Variants in FAR2 observed in about 807,000 individuals in gnomAD.
FAR2 encodes the protein fatty acyl-CoA reductase 2, also known as epididymis secretory protein Li 81.
Under a neutral mutation model 56.0 loss-of-function variants are expected in FAR2, and 19 were observed. The observed-to-expected ratio is 0.34, with a 90% confidence interval of 0.24 to 0.50. FAR2 has a LOEUF of 0.50. Ranked by LOEUF, FAR2 falls within the 20% of genes least tolerant of loss-of-function variation. The probability of loss-of-function intolerance (pLI) is 0.98; values close to 1 mark genes in which losing one functional copy is unlikely to be tolerated. For synonymous variants in FAR2, 219 were observed against 218.8 expected, an observed-to-expected ratio of 1.00 and a Z score of -0.01; for missense variants, 508 against 642.2, an observed-to-expected ratio of 0.79 and a Z score of 2.26.
intron 10 of FAR2, among the ~76,000 whole-genome samples, chr12:29,324,802 A>G (rs989485978): frequency 6.6e-6 from 1 of 152,240 alleles, no homozygotes; most frequent in African/African-American, 2.4e-5. Context: ...AACATGCCAA[A>G]TTGTAAGGAT....
chr12:29,317,749 T>C (rs1262032372), intron 9 of FAR2: 1 of 152,696 alleles, frequency 6.5e-6, no homozygotes, highest in Non-Finnish European at 1.5e-5. Context: ...GGCTGATGCA[T>C]GATGATCCCA....
chr12:29,308,673 TACACACAG>T (rs1329961310), intron 5 of FAR2, among the ~76,000 whole-genome samples: 1 of 120,644 alleles, frequency 8.3e-6, no homozygotes, highest in Admixed American at 9.1e-5. Flanking sequence ...TAAGTCAATA[TACACACAG>T]ACACACAGAC....
At chr12:29,271,510 A>C (rs1948618257) in intron 2 of FAR2, among the ~76,000 whole-genome samples, 1 of 152,234 alleles carries the variant, frequency 6.6e-6, no homozygotes, top group South Asian at 2.1e-4. Flanking sequence ...GCAATAAGAA[A>C]ATTCAGAGTT....
Position 29,318,677 on chromosome 12 carries a change from G to C in FAR2, c.1127+1665G>C, listed in dbSNP as rs913369671. On this transcript the variant is annotated intron_variant, in intron 9 of 11. Transcript: ENST00000536681. ...GACGTACATAGTTTGCTTTGCAGTA[G>C]GGGGGTATGTGTGTATATAAATCAA... Among the ~76,000 whole-genome samples, 13 of 152,286 alleles carry C rather than the reference G, an allele frequency of 8.5e-5. 1 individual carries two copies. The highest frequency in any genetic ancestry group is 3.4e-3 in the Middle Eastern group (1 of 294).
chr12:29,240,057 A>G (rs1348046231), intron 1 of FAR2, among the ~76,000 whole-genome samples: 1 of 152,170 alleles, frequency 6.6e-6, no homozygotes, highest in African/African-American at 2.4e-5. Context: ...CATCGTTCCA[A>G]GAGCTTCCAA....
chr12:29,189,572 AT>A (rs1160452206), intron 1 of FAR2, among the ~76,000 whole-genome samples: 40 of 152,186 alleles, frequency 2.6e-4, no homozygotes, highest in Non-Finnish European at 4.9e-4. Context: ...GCAAGGTGTC[AT>A]TGACTCTAGG....
chr12:29,159,513 CTG>C (rs1282222992), intron 1 of FAR2, among the ~76,000 whole-genome samples: 3 of 97,342 alleles, frequency 3.1e-5, no homozygotes, highest in Non-Finnish European at 4.1e-5. Flanking sequence ...GTGTGAGACT[CTG>C]TCTCGGAAAA....
intron 4 of FAR2, among the ~76,000 whole-genome samples, chr12:29,300,136 T>C (rs951927859): frequency 6.6e-6 from 1 of 152,142 alleles, no homozygotes; most frequent in African/African-American, 2.4e-5. Context: ...ACTGTTTTTG[T>C]TTGTTTGTTT....
chr12:29,243,550 T>C (rs1268105178), intron 1 of FAR2, among the ~76,000 whole-genome samples: 1 of 152,238 alleles, frequency 6.6e-6, no homozygotes, highest in Non-Finnish European at 1.5e-5. Flanking sequence ...AAACCACTGC[T>C]ATCTGGTATG....
At chr12:29,319,096 T>C (rs79860073) in intron 9 of FAR2, among the ~76,000 whole-genome samples, 10,409 of 152,010 alleles carry the variant, frequency 0.068, 409 homozygotes, top group South Asian at 0.12. Context: ...GTTCAAGCGA[T>C]TCTCCTGCCT....
At chr12:29,201,961 G>A (rs186587701) in intron 1 of FAR2, among the ~76,000 whole-genome samples, 1 of 152,104 alleles carries the variant, frequency 6.6e-6, no homozygotes, top group Non-Finnish European at 1.5e-5. Context: ...GGCTTTGGAT[G>A]ATGACTCTCA....
intron 2 of FAR2, among the ~76,000 whole-genome samples, chr12:29,288,878 C>G (rs11836882): frequency 0.042 from 6,418 of 152,002 alleles, 452 homozygotes; most frequent in African/African-American, 0.15. Context: ...TACTGTCAGG[C>G]ATAAAGAGAT....
In FAR2 at chr12:29,297,206, T is replaced by G; in HGVS notation, c.545+6T>G. 2.5e-6 allele frequency: 4 copies of G among 1,609,782 alleles called. No homozygotes were observed. Among genetic ancestry groups the G allele is most frequent in the Non-Finnish European group, 3.4e-6 (4 of 1,178,524 alleles). On this transcript the variant is annotated splice_donor_region_variant and intron_variant, in intron 4 of 11. Coordinates refer to ENST00000536681, the MANE Select transcript of FAR2 (RefSeq NM_001271783.2). ...AAAATCATTGATTCCCTTGAGTAAG[T>G]TGGTCTAATAAAAGGATCAAGGGGC...
intron 1 of FAR2, among the ~76,000 whole-genome samples, chr12:29,165,722 G>A (rs1255863412): frequency 3.3e-5 from 5 of 152,172 alleles, no homozygotes; most frequent in African/African-American, 1.2e-4. Context: ...GGACAGTTTG[G>A]AAAGCAGTTG....
intron 1 of FAR2, among the ~76,000 whole-genome samples, chr12:29,262,666 G>A (rs1257810908): frequency 6.6e-6 from 1 of 151,856 alleles, no homozygotes; most frequent in Non-Finnish European, 1.5e-5. Flanking sequence ...AATAAATAAA[G>A]CAAGAAATTA....
chr12:29,289,989 A>G (rs1565507198), intron 2 of FAR2, among the ~76,000 whole-genome samples: 1 of 152,244 alleles, frequency 6.6e-6, no homozygotes, highest in Non-Finnish European at 1.5e-5. Context: ...CTACAATGAG[A>G]TATTATTTCA....
intron 1 of FAR2, among the ~76,000 whole-genome samples, chr12:29,256,441 G>A (rs1397759212): frequency 1.3e-5 from 2 of 152,198 alleles, no homozygotes; most frequent in Non-Finnish European, 1.5e-5. Context: ...TTGTGCCTCA[G>A]CCTCCCAAAG....
intron 1 of FAR2, among the ~76,000 whole-genome samples, chr12:29,153,412 CGCTT>C (rs1164297671): frequency 6.6e-6 from 1 of 152,160 alleles, no homozygotes; most frequent in Admixed American, 6.5e-5. Context: ...TAAGAGAAAA[CGCTT>C]GCAGCATTCA....
chr12:29,318,739 A>C (rs2136806585), intron 9 of FAR2, among the ~76,000 whole-genome samples: 1 of 152,304 alleles, frequency 6.6e-6, no homozygotes, highest in South Asian at 2.1e-4. Flanking sequence ...CTAATTTTCC[A>C]TGAAAATCTA....
Sources: allele counts gnomAD v4.1 joint callset (sites outside exome capture counted in the v4.1 genomes callset), GRCh38; gene constraint gnomAD v4.1.1; transcripts MANE v1.5; gene names NCBI Gene and HGNC (gene_info 2026-07-23, HGNC 2026-07-21).